Variants in FMN1 observed in about 807,000 individuals in gnomAD.
FMN1 encodes the protein formin-1.
Under a neutral mutation model 132.4 loss-of-function variants are expected in FMN1, and 110 were observed. The ratio of observed to expected loss-of-function variants is 0.83; its 90% confidence interval spans 0.71 to 0.97. The LOEUF (loss-of-function observed/expected upper bound fraction) is 0.97, where lower values mean the gene tolerates loss of function less well. Among genes scored for constraint, FMN1 ranks in the 50% least tolerant of loss-of-function variants. The probability of loss-of-function intolerance (pLI) is 0.00; values close to 1 mark genes in which losing one functional copy is unlikely to be tolerated. For missense variants in FMN1, 1,792 were observed against 1,705.3 expected, an observed-to-expected ratio of 1.05 and a Z score of -0.90; for synonymous variants, 722 against 651.7, an observed-to-expected ratio of 1.11 and a Z score of -1.64.
rs533706327 is a variant in FMN1, at chr15:32,945,113, C to T, written c.3139-18852G>A. On this transcript the variant is annotated intron_variant, in intron 9 of 20. Coordinates refer to ENST00000616417, the MANE Select transcript of FMN1 (RefSeq NM_001277313.2). ...CTGATATTTTTATATTTCTAATAAT[C>T]TTCTAGGTGATTATGTTGCTGCTGG... 5.3e-5 allele frequency among the ~76,000 whole-genome samples: 8 copies of T among 152,216 alleles called. No individual in the cohort carries two copies. In the East Asian group the frequency reaches 1.5e-3, roughly 29 times the overall value.
chr15:33,070,296 C>T (rs1323543452), intron 5 of FMN1, among the ~76,000 whole-genome samples: 3 of 151,764 alleles, frequency 2.0e-5, no homozygotes, highest in East Asian at 1.9e-4. Context: ...TGAGCCACCG[C>T]GCCCGGCCTA....
intron 7 of FMN1, among the ~76,000 whole-genome samples, chr15:32,989,654 C>G (rs576112154): frequency 6.8e-4 from 103 of 152,150 alleles, no homozygotes; most frequent in Middle Eastern, 3.4e-3. Flanking sequence ...TAGTGAGCCA[C>G]CAGAGGTGTT....
chr15:33,183,118 T>G (rs1415914698), intron 2 of FMN1, among the ~76,000 whole-genome samples: 1 of 152,190 alleles, frequency 6.6e-6, no homozygotes, highest in Non-Finnish European at 1.5e-5. Flanking sequence ...TTTCCTCTAT[T>G]ACTTCCACCA....
intron 17 of FMN1, among the ~76,000 whole-genome samples, chr15:32,830,619 T>C (rs147591357): frequency 9.8e-5 from 15 of 152,302 alleles, no homozygotes; most frequent in Non-Finnish European, 1.8e-4. Context: ...GAAATAGACA[T>C]CTTCCCTCTC....
intron 17 of FMN1, among the ~76,000 whole-genome samples, chr15:32,823,117 T>C (rs539660751): frequency 2.5e-3 from 375 of 150,852 alleles, no homozygotes; most frequent in African/African-American, 8.7e-3. Flanking sequence ...CGAGCCCCCA[T>C]TCATGGTCTG....
intron 17 of FMN1, among the ~76,000 whole-genome samples, chr15:32,825,173 C>T (rs907121391): frequency 1.3e-5 from 2 of 152,360 alleles, no homozygotes; most frequent in East Asian, 3.9e-4. Flanking sequence ...ACTTCAGTAA[C>T]TTCCTTATCT....
At chr15:32,806,116 T>C (rs1301618004) in intron 17 of FMN1, among the ~76,000 whole-genome samples, 2 of 152,222 alleles carry the variant, frequency 1.3e-5, no homozygotes, top group African/African-American at 2.4e-5. Context: ...TATGTTATTA[T>C]GTAACATGTT....
chr15:33,027,601 T>C (rs930118847), intron 6 of FMN1, among the ~76,000 whole-genome samples: 1 of 152,166 alleles, frequency 6.6e-6, no homozygotes, highest in African/African-American at 2.4e-5. Flanking sequence ...TCTGGGGTTT[T>C]GTTGTTGCTT....
At chr15:32,979,968 C>T (rs890618803) in intron 7 of FMN1, among the ~76,000 whole-genome samples, 2 of 152,204 alleles carry the variant, frequency 1.3e-5, no homozygotes, top group Admixed American at 1.3e-4. Flanking sequence ...TCACCTTCTC[C>T]TTGCCACTTT....
At chr15:33,034,375 G>A (rs2036092282) in intron 6 of FMN1, among the ~76,000 whole-genome samples, 1 of 152,030 alleles carries the variant, frequency 6.6e-6, no homozygotes, top group African/African-American at 2.4e-5. Flanking sequence ...AGGAGTTTGA[G>A]ACCAGCCTGG....
At chr15:32,785,092 T>G (rs1342279415) in intron 19 of FMN1, among the ~76,000 whole-genome samples, 1 of 150,642 alleles carries the variant, frequency 6.6e-6, no homozygotes, top group Non-Finnish European at 1.5e-5. Flanking sequence ...AACAAGACTG[T>G]CAACCTGTTA....
At chr15:32,792,437 T>G (rs1001267706) in intron 19 of FMN1, among the ~76,000 whole-genome samples, 17 of 149,186 alleles carry the variant, frequency 1.1e-4, no homozygotes, top group African/African-American at 4.2e-4. Context: ...AGAGCAAGAC[T>G]CTGTCTCAAA....
chr15:32,872,627 G>A (rs2059541943), intron 16 of FMN1, among the ~76,000 whole-genome samples: 1 of 152,220 alleles, frequency 6.6e-6, no homozygotes, highest in African/African-American at 2.4e-5. Context: ...AAATCAGTAA[G>A]AGGAAGAGGT....
In FMN1 at chr15:33,065,880, G is replaced by A. The variant is rs151031686; in HGVS notation, c.2044-806C>T. ...CATCTATTAATTAGATGCTTCCCAT[G>A]CACTGCCTTTGTTTAATTCTCATAA... is the stretch of plus-strand genomic sequence containing the variant. On this transcript the variant is annotated intron_variant, in intron 5 of 20. Coordinates refer to ENST00000616417, the MANE Select transcript of FMN1 (RefSeq NM_001277313.2). Among the ~76,000 whole-genome samples the A allele has an allele frequency of 2.3e-3, 350 of 152,228 alleles. 2 individuals carry two copies. Among genetic ancestry groups the A allele is most frequent in the African/African-American group, 7.7e-3 (318 of 41,526 alleles).
intron 4 of FMN1, among the ~76,000 whole-genome samples, chr15:33,099,753 G>A (rs2039222619): frequency 6.6e-6 from 1 of 152,184 alleles, no homozygotes; most frequent in Non-Finnish European, 1.5e-5. Context: ...CAATAATCCA[G>A]TCATTCTCTA....
At chr15:33,115,617 T>G (rs1390270201) in intron 4 of FMN1, among the ~76,000 whole-genome samples, 1 of 147,274 alleles carries the variant, frequency 6.8e-6, no homozygotes, top group Non-Finnish European at 1.5e-5. Context: ...CACAATACAC[T>G]GAGCACCTGA....
intron 6 of FMN1, among the ~76,000 whole-genome samples, chr15:33,016,755 C>T (rs1380309648): frequency 2.0e-5 from 3 of 152,270 alleles, no homozygotes; most frequent in South Asian, 2.1e-4. Flanking sequence ...GTTTTTAAGC[C>T]TCACCCCTCC....
At chr15:32,982,960 T>C (rs931054623) in intron 7 of FMN1, among the ~76,000 whole-genome samples, 4 of 152,166 alleles carry the variant, frequency 2.6e-5, no homozygotes, top group African/African-American at 9.7e-5. Context: ...CAATTCTTCA[T>C]AATAAATCTC....
At chr15:33,035,118 T>C (rs910976756) in intron 6 of FMN1, among the ~76,000 whole-genome samples, 1 of 152,228 alleles carries the variant, frequency 6.6e-6, no homozygotes, top group Non-Finnish European at 1.5e-5. Context: ...ATATTTTTAA[T>C]TGTGATACAC....
Sources: gnomAD v4.1 joint callset for allele counts (sites outside exome capture counted in the v4.1 genomes callset) on GRCh38, gnomAD v4.1.1 for gene constraint, MANE v1.5 for transcripts, NCBI Gene and HGNC (gene_info 2026-07-23, HGNC 2026-07-21) for gene names.